The following SFRP2 variants were observed in gnomAD, a reference collection of about 807,000 sequenced individuals.
SFRP2 encodes the protein secreted frizzled related protein 2.
A neutral mutation model predicts 26.0 loss-of-function variants in SFRP2; 16 were observed. The ratio of observed to expected loss-of-function variants is 0.61; its 90% CI spans 0.42 to 0.93. The LOEUF is 0.93. Ranked by LOEUF, SFRP2 falls within the 40% of genes least tolerant of loss-of-function variation. The pLI is 0.00. For missense variants in SFRP2, 343 were observed against 392.4 expected, an observed-to-expected ratio of 0.87 and a Z score of 1.06; for synonymous variants, 173 against 167.3, an observed-to-expected ratio of 1.03 and a Z score of -0.26.
chr4:153,785,765 A>G (rs1741194688), intron 2 of SFRP2, 99 bp downstream of exon 2: 24 of 759,158 alleles, frequency 3.2e-5, no homozygotes, highest in Non-Finnish European at 4.4e-5. Context: ...GTTTTACCCA[A>G]CCTTTATCTA....
At chr4:153,786,525 G>A (rs1741212548) in intron 1 of SFRP2, among the ~76,000 whole-genome samples, 1 of 152,084 alleles carries the variant, frequency 6.6e-6, no homozygotes, top group African/African-American at 2.4e-5. Context: ...TTCCACATGT[G>A]GGCTGTTTCC....
Position 153,788,466 on chromosome 4 carries a change from G to A in SFRP2, c.370C>T (p.Arg124Cys). The A allele has an allele frequency of 6.2e-7, 1 of 1,614,194 alleles. No individual in the cohort carries two copies. Among genetic ancestry groups the A allele is most frequent in the Non-Finnish European group, 8.5e-7 (1 of 1,180,032 alleles). ...AAGGCGGACATGACCGGGGCGCAGC[G>A]GTCCTTCACCTGCACGCAGAGCGAG... ...CHSLCVQVKD[R>C]CAPVMSAFGF... Residue 124 changes from arginine to cysteine, a missense_variant, in exon 1 of 3, where the codon CGC (arginine) becomes TGC (cysteine). Arg to Cys is a radical substitution (Grantham distance 180, BLOSUM62 -3). Transcript: ENST00000274063.
chr4:153,787,471 G>A (rs892187397), intron 1 of SFRP2, among the ~76,000 whole-genome samples: 8 of 152,146 alleles, frequency 5.3e-5, no homozygotes, highest in African/African-American at 1.9e-4. Flanking sequence ...CCAACCCAGG[G>A]GACCCAAATC....
At chr4:153,786,420 C>T (rs1271627660) in intron 1 of SFRP2, among the ~76,000 whole-genome samples, 1 of 152,132 alleles carries the variant, frequency 6.6e-6, no homozygotes, top group Non-Finnish European at 1.5e-5. Context: ...GATTGTCTTT[C>T]TCAGCCACAG....
chr4:153,781,393 G>A lies in SFRP2; in HGVS notation c.*58C>T. The stretch of plus-strand genomic sequence containing the variant: ...GGGGAACGGGAGCTGAGATCCCGGA[G>A]CAGAAATGGTCAGCCGTGCTCTGGA... On this transcript the variant is annotated 3_prime_UTR_variant, in exon 3 of 3. Coordinates refer to ENST00000274063, the MANE Select transcript of SFRP2 (RefSeq NM_003013.3). 2.0e-6 allele frequency: 3 copies of A among 1,491,728 alleles called. No homozygotes were observed. The highest frequency in any genetic ancestry group is 2.7e-6 in the Non-Finnish European group (3 of 1,091,560). 92.4% of individuals were successfully genotyped at this position (1,491,728 alleles called of 1,614,324 possible).
chr4:153,782,473 A>G (rs1741136515), intron 2 of SFRP2, among the ~76,000 whole-genome samples: 2 of 152,348 alleles, frequency 1.3e-5, no homozygotes, highest in East Asian at 3.9e-4. Flanking sequence ...TAGACTCGTT[A>G]GAATGCGAAG....
rs568751579 is a variant in SFRP2 at position 153,788,385 on chromosome 4, G to T, written c.451C>A (p.Leu151Ile). 4 of 1,613,740 alleles carry T rather than the reference G, an allele frequency of 2.5e-6. No individual in the cohort carries two copies. Among genetic ancestry groups the T allele is most frequent in the East Asian group, 4.5e-5 (2 of 44,878 alleles). ...ECDRFPQDND[L>I]CIPLASSDHL... ...TCGCTGCTAGCGAGGGGGATGCAAA[G>T]GTCGTTGTCCTGGGGGAAACGGTCG... Residue 151 changes from leucine to isoleucine, a missense_variant, in exon 1 of 3, where the codon CTT becomes ATT. Leu to Ile is a conservative substitution (Grantham distance 5). This residue lies in a region of SFRP2 where 251 missense variants were observed against 253.3 expected (regional missense o/e 0.99). Transcript: ENST00000274063.
intron 1 of SFRP2, among the ~76,000 whole-genome samples, chr4:153,787,523 T>C (rs1230266451): frequency 6.6e-6 from 1 of 152,210 alleles, no homozygotes; most frequent in East Asian, 1.9e-4. Flanking sequence ...AGAAAAAATA[T>C]TGAGAGCCCA....
chr4:153,785,877 A>G lies in SFRP2; in HGVS notation c.570T>C (p.Cys190=). Residue 190 remains cysteine (C), a synonymous_variant, in exon 2 of 3, where the codon TGT becomes TGC. Coordinates refer to ENST00000274063, the MANE Select transcript of SFRP2 (RefSeq NM_003013.3). The part of the protein sequence containing the change: ...DDDNDIMETL[C]KNDFALKIKV... ...TGTATTACTTACCAAAATCATTTTTACAAAGCGTTTCCATTATGTCGTTGT... is the reference window on the plus strand; with the variant it reads ...TGTATTACTTACCAAAATCATTTTTGCAAAGCGTTTCCATTATGTCGTTGT... 1 of 1,594,438 alleles carries G rather than the reference A, an allele frequency of 6.3e-7. No individual in the cohort carries two copies. The highest frequency in any genetic ancestry group is 1.3e-5 in the African/African-American group (1 of 74,178).
At position 153,789,007 on chromosome 4, in the gene SFRP2, C is replaced by A. The variant is rs550500715; in HGVS notation, c.-172G>T. 9 of 615,976 alleles carry A rather than the reference C, an allele frequency of 1.5e-5. No individual in the cohort carries two copies. The East Asian group carries it at 2.5e-4, about 17-fold the overall frequency. 38.2% of individuals were successfully genotyped at this position (615,976 alleles called of 1,614,324 possible). ...GAAGCGGGACACCGGGAGGACAGCG[C>A]GGGCGAGGCGCTGCAAGCCCGCGCG... On this transcript the variant is annotated 5_prime_UTR_variant, in exon 1 of 3. Transcript: ENST00000274063.
Position 153,788,797 on chromosome 4 carries a change from G to A in SFRP2, c.39C>T (p.Leu13=). 6.2e-7 allele frequency: 1 copy of A among 1,606,478 alleles called. No homozygotes were observed. Among genetic ancestry groups the A allele is most frequent in the Non-Finnish European group, 8.5e-7 (1 of 1,179,654 alleles). ...CCGAGCCCAGGCAGCAGTGCGAGGC[G>A]AGGAAGAGCAGCAGCAGCGAGCCAG... is the stretch of plus-strand genomic sequence containing the variant. ...QGPGSLLLLF[L]ASHCCLGSAR... is the part of the protein sequence containing the mutation. The change falls in exon 1 of 3, where the codon CTC becomes CTT. Residue 13 remains leucine, a synonymous_variant. Transcript: ENST00000274063.
chr4:153,788,053 T>C (rs1206652285), intron 1 of SFRP2, among the ~76,000 whole-genome samples: 1 of 152,244 alleles, frequency 6.6e-6, no homozygotes, highest in African/African-American at 2.4e-5. Context: ...TTCTTCGTTT[T>C]TTTAGTTTTG....
Position 153,788,607 on chromosome 4 carries a change from C to T in SFRP2, c.229G>A (p.Gly77Ser), listed in dbSNP as rs556787764. The change falls in exon 1 of 3, where the codon GGC (glycine) becomes AGC (serine). Residue 77 changes from glycine to serine, a missense_variant. Transcript: ENST00000274063. ...ETMKEVLEQA[G>S]AWIPLVMKQC... ...TTCATGACCAGCGGGATCCAAGCGC[C>T]GGCCTGCTCCAGCACCTCCTTCATG... 511 of 1,614,166 alleles carry T rather than the reference C, an allele frequency of 3.2e-4. 2 individuals carry two copies. The highest frequency in any genetic ancestry group is 2.8e-3 in the South Asian group (258 of 91,082).
chr4:153,785,926 G>C lies in SFRP2; in HGVS notation c.521C>G (p.Ala174Gly). 4 of 1,601,874 alleles carry C rather than the reference G, an allele frequency of 2.5e-6. No homozygotes were observed. Among genetic ancestry groups the C allele is most frequent in the Non-Finnish European group, 2.6e-6 (3 of 1,174,320 alleles). The change falls in exon 2 of 3, where the codon GCC (alanine) becomes GGC (glycine). Residue 174 changes from alanine to glycine, a missense_variant. Ala to Gly is a moderately conservative substitution (Grantham distance 60). Around this residue, in one of 2 missense-constraint regions of SFRP2, gnomAD observed 251 missense variants for 253.3 expected, o/e 0.99. Coordinates refer to ENST00000274063, the MANE Select transcript of SFRP2 (RefSeq NM_003013.3). ...GTCATCATCATTTTTATTTTTGCAG[G>C]CTTCACATACCTTTGGAGCTAGAAA... ...ATEEAPKVCE[A>G]CKNKNDDDND...
chr4:153,786,166 A>G (rs1310548619), intron 1 of SFRP2, among the ~76,000 whole-genome samples: 1 of 152,136 alleles, frequency 6.6e-6, no homozygotes, highest in African/African-American at 2.4e-5. Context: ...CAAAATGAGA[A>G]TGCCTATATG....
chr4:153,788,433 G>A lies in SFRP2; in HGVS notation c.403C>T (p.Pro135Ser), dbSNP rs1741250542. ...TCGCACTCAAGCATGTCGGGCCAGGGGAAGCCGAAGGCGGACATGACCGGG... is the reference window on the plus strand; with the variant it reads ...TCGCACTCAAGCATGTCGGGCCAGGAGAAGCCGAAGGCGGACATGACCGGG... ...CAPVMSAFGFPWPDMLECDRF... is the reference protein window; with the variant it reads ...CAPVMSAFGFSWPDMLECDRF... The change falls in exon 1 of 3, where the codon CCC becomes TCC. Residue 135 changes from proline (P) to serine (S), a missense_variant. Coordinates refer to ENST00000274063, the MANE Select transcript of SFRP2 (RefSeq NM_003013.3). The A allele has an allele frequency of 3.7e-6, 6 of 1,614,050 alleles. No individual in the cohort carries two copies. The East Asian group carries it at 1.3e-4, about 36-fold the overall frequency.
In SFRP2 at chr4:153,788,780, A is replaced by G. The variant is rs977206372; in HGVS notation, c.56T>C (p.Leu19Pro). Reference sequence around the variant, plus strand: ...GAGGAAGAGCCCGCGCGCCGAGCCCAGGCAGCAGTGCGAGGCGAGGAAGAG... The same window carrying G: ...GAGGAAGAGCCCGCGCGCCGAGCCCGGGCAGCAGTGCGAGGCGAGGAAGAG... ...LLLFLASHCCLGSARGLFLFG... is the reference protein window; with the variant it reads ...LLLFLASHCCPGSARGLFLFG... The change falls in exon 1 of 3, where the codon CTG (leucine) becomes CCG (proline). Residue 19 changes from leucine (L) to proline (P), a missense_variant. Physicochemically the swap from Leu to Pro is moderately conservative, Grantham distance 98. This residue lies in a region of SFRP2 where 251 missense variants were observed against 253.3 expected (regional missense o/e 0.99). Transcript: ENST00000274063. The G allele has an allele frequency of 3.1e-6, 5 of 1,609,686 alleles. No individual in the cohort carries two copies. The highest frequency in any genetic ancestry group is 4.2e-6 in the Non-Finnish European group (5 of 1,179,808).
In SFRP2 at chr4:153,788,743, G is replaced by C. The variant is rs761122354; in HGVS notation, c.93C>G (p.Pro31=). The change falls in exon 1 of 3, where the codon CCC becomes CCG. Residue 31 remains proline, a synonymous_variant. Transcript: ENST00000274063. ...SARGLFLFGQ[P]DFSYKRSNCK... ...AATTGCTGCGCTTGTAGGAGAAGTC[G>C]GGCTGGCCAAAGAGGAAGAGCCCGC... is the stretch of plus-strand genomic sequence containing the variant. The C allele has an allele frequency of 9.9e-6, 16 of 1,613,050 alleles. No individual in the cohort carries two copies. Among genetic ancestry groups the C allele is most frequent in the Non-Finnish European group, 1.3e-5 (15 of 1,180,022 alleles).
At position 153,788,723 on chromosome 4, in the gene SFRP2, C is replaced by T. The variant is rs369290690; in HGVS notation, c.113G>A (p.Ser38Asn). The change falls in exon 1 of 3, where the codon AGC becomes AAC. Residue 38 changes from serine (S) to asparagine (N), a missense_variant. By Grantham distance (46) the Ser-to-Asn change is conservative. This residue lies in a region of SFRP2 where 251 missense variants were observed against 253.3 expected (regional missense o/e 0.99). Coordinates refer to ENST00000274063, the MANE Select transcript of SFRP2 (RefSeq NM_003013.3). ...FGQPDFSYKR[S>N]NCKPIPANLQ... ...GTTGGCAGGGATGGGCTTGCAATTG[C>T]TGCGCTTGTAGGAGAAGTCGGGCTG... 3.1e-6 allele frequency: 5 copies of T among 1,613,744 alleles called. No homozygotes were observed. Among genetic ancestry groups the T allele is most frequent in the Non-Finnish European group, 4.2e-6 (5 of 1,180,052 alleles).
Sources: gnomAD v4.1 joint callset for allele counts (sites outside exome capture counted in the v4.1 genomes callset) on GRCh38, gnomAD v4.1.1 for gene constraint, gnomAD v4.1.1 regional missense constraint, MANE v1.5 for transcripts, NCBI Gene and HGNC (gene_info 2026-07-23, HGNC 2026-07-21) for gene names.